Variants in NPNT observed in about 807,000 individuals in gnomAD.
NPNT encodes nephronectin.
In NPNT, 45 loss-of-function variants were observed where a neutral mutation model predicts 68.6. That is an observed-to-expected ratio of 0.66 (90% CI 0.52 to 0.84). The LOEUF (loss-of-function observed/expected upper bound fraction) is 0.84. Ranked by LOEUF, NPNT falls within the 40% of genes least tolerant of loss-of-function variation. The pLI is 0.00. For missense variants in NPNT, 672 were observed against 714.8 expected, an observed-to-expected ratio of 0.94 and a Z score of 0.68; for synonymous variants, 233 against 253.3, an observed-to-expected ratio of 0.92 and a Z score of 0.76.
intron 2 of NPNT, among the ~76,000 whole-genome samples, chr4:105,920,409 A>AAAAC (rs1345144804): frequency 2.6e-5 from 4 of 151,318 alleles, no homozygotes; most frequent in African/African-American, 4.9e-5. Flanking sequence ...AAAAAAAAAA[A>AAAAC]AAAAAAAAAA....
At chr4:105,936,795 A>C (rs1729526598) in intron 3 of NPNT, among the ~76,000 whole-genome samples, 2 of 152,194 alleles carry the variant, frequency 1.3e-5, no homozygotes, top group Non-Finnish European at 2.9e-5. Context: ...ATAAACAGAG[A>C]TCCATAAAGG....
intron 8 of NPNT, among the ~76,000 whole-genome samples, chr4:105,954,102 T>G (rs1388027338): frequency 6.6e-6 from 1 of 152,214 alleles, no homozygotes; most frequent in African/African-American, 2.4e-5. Context: ...GGAAAATACA[T>G]ATTTAGTAGA....
chr4:105,931,153 TC>T (rs965574051), intron 3 of NPNT, among the ~76,000 whole-genome samples: 7 of 152,094 alleles, frequency 4.6e-5, no homozygotes, highest in Non-Finnish European at 7.4e-5. Flanking sequence ...AACCTCTTTT[TC>T]CCCCAGCCAG....
At chr4:105,943,307 GAGGAA>G (rs1160635597) in intron 8 of NPNT, among the ~76,000 whole-genome samples, 1 of 152,224 alleles carries the variant, frequency 6.6e-6, no homozygotes, top group Non-Finnish European at 1.5e-5. Flanking sequence ...CAAAGTGGAT[GAGGAA>G]AGGAAGATAT....
At chr4:105,914,254 TAGTG>T (rs1727606755) in intron 2 of NPNT, among the ~76,000 whole-genome samples, 2 of 145,390 alleles carry the variant, frequency 1.4e-5, no homozygotes, top group Non-Finnish European at 3.0e-5. Flanking sequence ...TATATACTGA[TAGTG>T]AGTGACATGA....
Position 105,970,887 on chromosome 4 carries a change from G to C in NPNT, c.*1897G>C, listed in dbSNP as rs1266963138. On this transcript the variant is annotated 3_prime_UTR_variant, in exon 12 of 12. Coordinates refer to ENST00000379987, the MANE Select transcript of NPNT (RefSeq NM_001033047.3). ...TAATGGAGAGGGATTGAAAGGGGAA[G>C]AGCCCACCAAATGCTGAGCTCACTG... is the stretch of plus-strand genomic sequence containing the variant. The C allele has an allele frequency of 6.6e-6, 2 of 305,176 alleles. No homozygotes were observed. The highest frequency in any genetic ancestry group is 1.3e-5 in the Non-Finnish European group (2 of 155,022). 18.9% of individuals were successfully genotyped at this position (305,176 alleles called of 1,614,324 possible). A position where few individuals can be genotyped will look rare whatever the true frequency, so the allele number is the denominator to read the frequency against.
At chr4:105,944,870 T>C (rs1283912852) in intron 8 of NPNT, among the ~76,000 whole-genome samples, 3 of 152,276 alleles carry the variant, frequency 2.0e-5, no homozygotes, top group Admixed American at 6.5e-5. Flanking sequence ...GCAAAGGCTC[T>C]AAGTTTTTAA....
chr4:105,967,535 G>A lies in NPNT; in HGVS notation c.1602+91G>A. 3 of 1,319,798 alleles carry A rather than the reference G, an allele frequency of 2.3e-6. No homozygotes were observed. In the South Asian group the frequency reaches 4.8e-5, roughly 21 times the overall value. The allele number at this position is 1,319,798 out of a possible 1,614,324, so 81.8% of individuals were successfully genotyped here. ...TGAATTTGAAGAAGCCTTGCTGTGT[G>A]AATTCAGGCTCAGATAAAGGTTTGG... On this transcript the variant is annotated intron_variant, in intron 11 of 11. Transcript: ENST00000379987.
intron 2 of NPNT, among the ~76,000 whole-genome samples, chr4:105,919,922 C>T (rs1288366077): frequency 6.6e-6 from 1 of 151,952 alleles, no homozygotes; most frequent in African/African-American, 2.4e-5. Flanking sequence ...TGTTCCCCAA[C>T]AAACTTTCAC....
At chr4:105,968,756 C>T in intron 11 of NPNT, 139 bp from the exon 12 acceptor site, 1 of 575,538 alleles carries the variant, frequency 1.7e-6, no homozygotes, top group East Asian at 2.8e-5. Context: ...GTGATACTGG[C>T]AACTATATTC....
intron 2 of NPNT, chr4:105,911,495 T>C (rs1030466544): frequency 6.6e-6 from 1 of 152,168 alleles, no homozygotes; most frequent in Non-Finnish European, 1.5e-5. Context: ...CTAAAATCTC[T>C]AGGTTGATCA....
intron 2 of NPNT, among the ~76,000 whole-genome samples, chr4:105,923,206 G>C (rs1053319997): frequency 6.6e-6 from 1 of 152,182 alleles, no homozygotes; most frequent in African/African-American, 2.4e-5. Flanking sequence ...TTACAGTGGA[G>C]TGTGTTATTG....
intron 8 of NPNT, among the ~76,000 whole-genome samples, chr4:105,949,760 C>T (rs557713628): frequency 2.0e-5 from 3 of 152,146 alleles, no homozygotes; most frequent in African/African-American, 7.2e-5. Flanking sequence ...TTGGAAAATA[C>T]CCATGTTACA....
rs1048990471 is a variant in NPNT, at chr4:105,969,743, A to C, written c.*753A>C. ...TGATCTCAAAAAAATACATGGTGAA[A>C]TGTCATCCAGTTCCATGACCTTATA... is the stretch of plus-strand genomic sequence containing the variant. On this transcript the variant is annotated 3_prime_UTR_variant, in exon 12 of 12. Coordinates refer to ENST00000379987, the MANE Select transcript of NPNT (RefSeq NM_001033047.3). 6.6e-6 allele frequency: 1 copy of C among 152,258 alleles called. No homozygotes were observed. The highest frequency in any genetic ancestry group is 2.4e-5 in the African/African-American group (1 of 41,436). 9.4% of individuals were successfully genotyped at this position (152,258 alleles called of 1,614,324 possible). A position where few individuals can be genotyped will look rare whatever the true frequency, so the allele number is the denominator to read the frequency against.
At chr4:105,934,937 A>G (rs1392999163) in intron 3 of NPNT, among the ~76,000 whole-genome samples, 1 of 152,186 alleles carries the variant, frequency 6.6e-6, no homozygotes, top group Admixed American at 6.5e-5. Flanking sequence ...TAGCAATCCT[A>G]AGGGGCCCTT....
At chr4:105,941,880 C>T (rs1172681274) in intron 7 of NPNT, among the ~76,000 whole-genome samples, 3 of 152,040 alleles carry the variant, frequency 2.0e-5, no homozygotes, top group South Asian at 2.1e-4. Flanking sequence ...ATAATATACA[C>T]GTAGCATAGG....
intron 10 of NPNT, among the ~76,000 whole-genome samples, chr4:105,959,749 A>G (rs865997372): frequency 6.6e-6 from 1 of 151,224 alleles, no homozygotes; most frequent in Non-Finnish European, 1.5e-5. Context: ...AAGTTTTAGT[A>G]CTCATAAGAC....
chr4:105,958,659 C>A, intron 9 of NPNT, 102 bp downstream of exon 9: 2 of 592,428 alleles, frequency 3.4e-6, no homozygotes, highest in South Asian at 3.4e-5. Context: ...GGGAAAATTA[C>A]ACCTGTTTTC....
At chr4:105,906,736 A>G (rs940253402) in intron 2 of NPNT, among the ~76,000 whole-genome samples, 3 of 152,244 alleles carry the variant, frequency 2.0e-5, no homozygotes. Context: ...AGACATTGTG[A>G]ATAGAGCAGG....
Sources: gnomAD v4.1 joint callset for allele counts (sites outside exome capture counted in the v4.1 genomes callset) on GRCh38, gnomAD v4.1.1 for gene constraint, MANE v1.5 for transcripts, NCBI Gene and HGNC (gene_info 2026-07-23, HGNC 2026-07-21) for gene names.